The following KCNAB1 variants were observed in gnomAD, a reference collection of about 807,000 sequenced individuals.
KCNAB1 encodes voltage-gated potassium channel subunit beta-1.
A neutral mutation model predicts 64.6 loss-of-function variants in KCNAB1; 35 were observed. The observed-to-expected ratio is 0.54, with a 90% confidence interval of 0.41 to 0.72. KCNAB1 has a LOEUF of 0.72. Ranked by LOEUF, KCNAB1 falls within the 30% of genes least tolerant of loss-of-function variation. The pLI, the probability that KCNAB1 is intolerant of heterozygous loss-of-function variation, is 0.00. For synonymous variants in KCNAB1, 177 were observed against 183.8 expected (o/e 0.96, Z 0.30); for missense variants, 401 against 512.9 (o/e 0.78, Z 2.11).
intron 1 of KCNAB1, among the ~76,000 whole-genome samples, chr3:156,240,767 T>G (rs1717118087): frequency 6.6e-6 from 1 of 152,222 alleles, no homozygotes; most frequent in Non-Finnish European, 1.5e-5. Context: ...CTGTAATATC[T>G]GGGTTTCCAA....
rs947855742 is a variant in KCNAB1 at position 156,538,428 on chromosome 3, G to T, written c.*1681G>T. 5 of 152,132 alleles carry T rather than the reference G, an allele frequency of 3.3e-5. No homozygotes were observed. The highest frequency in any genetic ancestry group is 5.9e-5 in the Non-Finnish European group (4 of 68,018). 9.4% of individuals were successfully genotyped at this position (152,132 alleles called of 1,614,324 possible). A position where few individuals can be genotyped will look rare whatever the true frequency, so the allele number is the denominator to read the frequency against. ...GTACCTGTATTCTAACAGAGAGTTT[G>T]AATTTTTTGCCCGTGTTATCAGAAT... On this transcript the variant is annotated 3_prime_UTR_variant, in exon 14 of 14. Transcript: ENST00000490337.
intron 2 of KCNAB1, among the ~76,000 whole-genome samples, chr3:156,442,051 T>A (rs1327283543): frequency 6.6e-6 from 1 of 152,226 alleles, no homozygotes; most frequent in Admixed American, 6.5e-5. Flanking sequence ...AGAAAACATG[T>A]ATCTAAAGAC....
At chr3:156,511,601 TCAA>T (rs1717216477) in intron 8 of KCNAB1, among the ~76,000 whole-genome samples, 1 of 152,154 alleles carries the variant, frequency 6.6e-6, no homozygotes, top group African/African-American at 2.4e-5. Flanking sequence ...GATTCTGCCT[TCAA>T]CATCTATTTT....
chr3:156,213,567 C>T (rs1266291158), intron 1 of KCNAB1, among the ~76,000 whole-genome samples: 1 of 152,100 alleles, frequency 6.6e-6, no homozygotes, highest in Non-Finnish European at 1.5e-5. Context: ...CTGCCAAGGC[C>T]ACGACACACC....
chr3:156,135,994 C>T (rs1714322958), intron 1 of KCNAB1, among the ~76,000 whole-genome samples: 1 of 152,324 alleles, frequency 6.6e-6, no homozygotes, highest in Admixed American at 6.5e-5. Context: ...TATTTAAAGC[C>T]ATCCCCATCC....
At chr3:156,181,210 A>T (rs902987982) in intron 1 of KCNAB1, among the ~76,000 whole-genome samples, 1 of 152,226 alleles carries the variant, frequency 6.6e-6, no homozygotes, top group South Asian at 2.1e-4. Flanking sequence ...GGCCTTCAAC[A>T]TATGGGTTTT....
At chr3:156,159,079 C>G (rs189917418) in intron 1 of KCNAB1, among the ~76,000 whole-genome samples, 1 of 152,010 alleles carries the variant, frequency 6.6e-6, no homozygotes, top group Non-Finnish European at 1.5e-5. Context: ...CCGCCCCCCC[C>G]TGTAATAATT....
At chr3:156,426,393 C>T (rs1715819377) in intron 2 of KCNAB1, among the ~76,000 whole-genome samples, 1 of 152,202 alleles carries the variant, frequency 6.6e-6, no homozygotes, top group African/African-American at 2.4e-5. Context: ...ACCCCTATCC[C>T]TACACATGCA....
intron 1 of KCNAB1, among the ~76,000 whole-genome samples, chr3:156,363,432 A>G (rs1251692312): frequency 6.6e-6 from 1 of 152,232 alleles, no homozygotes; most frequent in Non-Finnish European, 1.5e-5. Context: ...ATATTGCTTA[A>G]TGCAGGAATA....
At chr3:156,237,083 G>C (rs1208543741) in intron 1 of KCNAB1, among the ~76,000 whole-genome samples, 1 of 152,152 alleles carries the variant, frequency 6.6e-6, no homozygotes, top group Non-Finnish European at 1.5e-5. Context: ...TTTGTCCTCA[G>C]TACACACAAT....
In KCNAB1 at chr3:156,159,768, G is replaced by T. The variant is rs936128152; in HGVS notation, c.275+38882G>T. On this transcript the variant is annotated intron_variant, in intron 1 of 13. Transcript: ENST00000490337. ...CTGCTAACAGTCACATAGATGGTTT[G>T]CTACCCTAGTTAAGAGTTTAATCAA... is the stretch of plus-strand genomic sequence containing the variant. 1.6e-4 allele frequency among the ~76,000 whole-genome samples: 25 copies of T among 152,208 alleles called. 2 individuals are homozygous for T. Among genetic ancestry groups the T allele is most frequent in the Admixed American group, 1.4e-3 (21 of 15,286 alleles).
intron 2 of KCNAB1, among the ~76,000 whole-genome samples, chr3:156,424,017 A>G (rs2108230287): frequency 6.6e-6 from 1 of 152,328 alleles, no homozygotes; most frequent in South Asian, 2.1e-4. Context: ...ATTGTTAGTG[A>G]CATAGTCTAT....
chr3:156,122,887 C>A (rs776370937), intron 1 of KCNAB1, among the ~76,000 whole-genome samples: 2 of 152,194 alleles, frequency 1.3e-5, no homozygotes, highest in Non-Finnish European at 2.9e-5. Context: ...TCATCGCCAG[C>A]AACTTTTTTA....
intron 1 of KCNAB1, among the ~76,000 whole-genome samples, chr3:156,184,101 A>G (rs975131275): frequency 6.6e-6 from 1 of 152,232 alleles, no homozygotes; most frequent in Non-Finnish European, 1.5e-5. Flanking sequence ...CTATTATTGT[A>G]CAAGTGGTGA....
At chr3:156,518,773 C>A (rs11926999) in intron 11 of KCNAB1, among the ~76,000 whole-genome samples, 8 of 152,032 alleles carry the variant, frequency 5.3e-5, no homozygotes, top group Non-Finnish European at 8.8e-5. Context: ...GGCCCCACTA[C>A]TCTAACAATG....
At chr3:156,293,506 A>C (rs1332979343) in intron 1 of KCNAB1, among the ~76,000 whole-genome samples, 1 of 152,226 alleles carries the variant, frequency 6.6e-6, no homozygotes, top group East Asian at 1.9e-4. Flanking sequence ...TTCTTTGCAG[A>C]GTTACAGGAA....
At chr3:156,521,085 T>C (rs1487816574) in intron 11 of KCNAB1, among the ~76,000 whole-genome samples, 2 of 152,202 alleles carry the variant, frequency 1.3e-5, no homozygotes, top group Non-Finnish European at 2.9e-5. Context: ...TTTTGTAACA[T>C]ACATAAAACT....
intron 1 of KCNAB1, among the ~76,000 whole-genome samples, chr3:156,248,992 T>C (rs1443069597): frequency 6.6e-6 from 1 of 151,988 alleles, no homozygotes; most frequent in Non-Finnish European, 1.5e-5. Flanking sequence ...CTAAGACCTC[T>C]TGAAGTCTTG....
At chr3:156,477,962 A>G (rs1714494840) in intron 8 of KCNAB1, among the ~76,000 whole-genome samples, 1 of 152,166 alleles carries the variant, frequency 6.6e-6, no homozygotes, top group South Asian at 2.1e-4. Context: ...TACATGTACA[A>G]TGGGGGTATA....
Sources: gnomAD v4.1 joint callset for allele counts (sites outside exome capture counted in the v4.1 genomes callset) on GRCh38, gnomAD v4.1.1 for gene constraint, MANE v1.5 for transcripts, NCBI Gene and HGNC (gene_info 2026-07-23, HGNC 2026-07-21) for gene names.